Variants in POLR3E observed in about 807,000 individuals in gnomAD.
POLR3E encodes DNA-directed RNA polymerase III subunit RPC5.
In POLR3E, 41 loss-of-function variants were observed where a neutral mutation model predicts 96.6. The ratio of observed to expected loss-of-function variants is 0.42; its 90% CI spans 0.33 to 0.55. POLR3E has a LOEUF of 0.55. Ranked by LOEUF, POLR3E falls within the 20% of genes least tolerant of loss-of-function variation. POLR3E has a pLI of 0.06. For missense variants in POLR3E, 849 were observed against 952.1 expected (o/e 0.89, Z 1.43); for synonymous variants, 396 against 383.6 (o/e 1.03, Z -0.38).
rs986173446 is a variant in POLR3E at position 22,309,350 on chromosome 16, G to T, written c.282-78G>T. The stretch of plus-strand genomic sequence containing the variant: ...CTGTGGCACTTCAGAAAGTGTCTAG[G>T]GGGTGGGGTGCGCTGTGGCCACAGG... On this transcript the variant is annotated intron_variant, in intron 5 of 20. Coordinates refer to ENST00000299853, the MANE Select transcript of POLR3E (RefSeq NM_018119.4). 1.5e-5 allele frequency: 16 copies of T among 1,077,572 alleles called. 1 individual carries two copies. The Admixed American group carries it at 2.5e-4, about 17-fold the overall frequency. 66.8% of individuals were successfully genotyped at this position (1,077,572 alleles called of 1,614,324 possible). A position where few individuals can be genotyped will look rare whatever the true frequency, so the allele number is the denominator to read the frequency against.
intron 20 of POLR3E, among the ~76,000 whole-genome samples, chr16:22,333,022 T>C (rs1380834139): frequency 4.3e-5 from 6 of 138,750 alleles, no homozygotes; most frequent in Non-Finnish European, 7.6e-5. Context: ...TTGCCCAGGC[T>C]AGAGTGCAGT....
chr16:22,309,069 T>C (rs2048191500), intron 5 of POLR3E, 29 bp downstream of exon 5: 2 of 1,496,790 alleles, frequency 1.3e-6, no homozygotes, highest in Middle Eastern at 1.7e-4. Flanking sequence ...GCCTGTCCGG[T>C]TTCCCTGCGT....
At chr16:22,312,432 G>T (rs1042024714) in intron 6 of POLR3E, among the ~76,000 whole-genome samples, 2 of 152,066 alleles carry the variant, frequency 1.3e-5, no homozygotes, top group African/African-American at 4.8e-5. Context: ...AGGAGGCGGA[G>T]GTTGCAGTAA....
chr16:22,319,575 A>G (rs1046069075), intron 13 of POLR3E, among the ~76,000 whole-genome samples: 3 of 151,502 alleles, frequency 2.0e-5, no homozygotes, highest in Admixed American at 2.0e-4. Flanking sequence ...AATTTTTTGT[A>G]TTTTTAGTAG....
chr16:22,325,380 G>C, intron 17 of POLR3E, 114 bp downstream of exon 17: 1 of 863,950 alleles, frequency 1.2e-6, no homozygotes, highest in Non-Finnish European at 2.0e-6. Flanking sequence ...GGCTCTCACC[G>C]TTCACCCTTC....
chr16:22,316,868 C>T, intron 10 of POLR3E, 127 bp from the exon 11 acceptor site: 1 of 1,064,016 alleles, frequency 9.4e-7, no homozygotes, highest in Non-Finnish European at 1.5e-6. Context: ...TGCAGGGGCT[C>T]AGGGCTGCTG....
rs2047995746 is a variant in POLR3E, at chr16:22,300,297, A to C, written c.-38-2634A>C. 1.3e-5 allele frequency among the ~76,000 whole-genome samples: 2 copies of C among 152,316 alleles called. 1 individual carries two copies. Among genetic ancestry groups the C allele is most frequent in the South Asian group, 4.1e-4 (2 of 4,826 alleles). ...GTTATTTATATGAGATGGATTTCTT[A>C]CTGTGGTGGATCTTAGGCTGAAAAC... On this transcript the variant is annotated intron_variant, in intron 1 of 20. Transcript: ENST00000299853.
chr16:22,329,270 T>G (rs1027638301), intron 19 of POLR3E, among the ~76,000 whole-genome samples: 1 of 152,128 alleles, frequency 6.6e-6, no homozygotes, highest in African/African-American at 2.4e-5. Context: ...CCTTGTCAGA[T>G]GTCAGGTCCT....
At chr16:22,315,276 C>T (rs2048331083) in intron 9 of POLR3E, 68 bp downstream of exon 9, 10 of 1,473,510 alleles carry the variant, frequency 6.8e-6, no homozygotes, top group Middle Eastern at 1.7e-4. Context: ...GTGTGGCCTC[C>T]GTGTCTCACC....
In POLR3E at chr16:22,322,874, G is replaced by C. The variant is rs775578631; in HGVS notation, c.1011G>C (p.Ser337=). Residue 337 remains serine (S), a synonymous_variant, in exon 14 of 21, where the codon TCG becomes TCC. Transcript: ENST00000299853. The surrounding 1 kb of genome is among the most constrained non-coding windows in gnomAD (Gnocchi z 5.2). ...GTGACATCCTATACCCCAAGGACTC[G>C]TCCAGCCCTCACAGCGGCGTGCCTG... is the stretch of plus-strand genomic sequence containing the variant. ...VKSDILYPKD[S]SSPHSGVPAE... is the part of the protein sequence containing the mutation. The C allele has an allele frequency of 6.2e-7, 1 of 1,613,372 alleles. No homozygotes were observed. The highest frequency in any genetic ancestry group is 1.3e-5 in the African/African-American group (1 of 75,004).
chr16:22,305,247 G>A, intron 3 of POLR3E, 41 bp downstream of exon 3: 6 of 1,441,750 alleles, frequency 4.2e-6, no homozygotes, highest in Non-Finnish European at 5.9e-6. Context: ...AGAAGCAGGT[G>A]TGGGTGGGTG....
intron 19 of POLR3E, among the ~76,000 whole-genome samples, chr16:22,329,329 G>A (rs2048686631): frequency 6.6e-6 from 1 of 152,156 alleles, no homozygotes; most frequent in African/African-American, 2.4e-5. Flanking sequence ...GTCATACTGT[G>A]ATGGGGAGGG....
In POLR3E at chr16:22,322,829, C is replaced by T. The variant is rs1239749130; in HGVS notation, c.987-21C>T. The T allele has an allele frequency of 5.7e-6, 9 of 1,581,826 alleles. No homozygotes were observed. The highest frequency in any genetic ancestry group is 7.8e-6 in the Non-Finnish European group (9 of 1,151,848). On this transcript the variant is annotated intron_variant, in intron 13 of 20. Coordinates refer to ENST00000299853, the MANE Select transcript of POLR3E (RefSeq NM_018119.4). This position sits in a 1 kb window ranked among gnomAD's most constrained non-coding sequence, Gnocchi z 5.2. Reference sequence around the variant, plus strand: ...GGGCTCAGGGCAGGGACTGACCTGCCATCCTCACCTGCATTGGCAGTGACA... The same window carrying T: ...GGGCTCAGGGCAGGGACTGACCTGCTATCCTCACCTGCATTGGCAGTGACA...
chr16:22,303,158 A>C (rs1158975662), intron 2 of POLR3E, among the ~76,000 whole-genome samples, 154 bp downstream of exon 2: 1 of 150,838 alleles, frequency 6.6e-6, no homozygotes, highest in African/African-American at 2.4e-5. Context: ...TGTCCCCCAG[A>C]CCCCTGCGTG....
At chr16:22,311,160 GT>G (rs2048237086) in intron 6 of POLR3E, among the ~76,000 whole-genome samples, 1 of 150,966 alleles carries the variant, frequency 6.6e-6, no homozygotes, top group Non-Finnish European at 1.5e-5. Flanking sequence ...TAGAGACAGG[GT>G]TTTTGCCATG....
chr16:22,330,547 G>A (rs1316043600), intron 19 of POLR3E, among the ~76,000 whole-genome samples: 1 of 152,116 alleles, frequency 6.6e-6, no homozygotes, highest in Admixed American at 6.5e-5. Flanking sequence ...CATGTGTACC[G>A]AGGGTGATAC....
At chr16:22,319,252 C>T (rs972281106) in intron 13 of POLR3E, among the ~76,000 whole-genome samples, 2 of 151,814 alleles carry the variant, frequency 1.3e-5, no homozygotes, top group Admixed American at 6.6e-5. Flanking sequence ...GGATTATAGG[C>T]GTGAGCCACC....
At chr16:22,320,637 G>A (rs1003679829) in intron 13 of POLR3E, among the ~76,000 whole-genome samples, 7 of 152,132 alleles carry the variant, frequency 4.6e-5, no homozygotes, top group African/African-American at 1.4e-4. Flanking sequence ...TTCTTTACTC[G>A]CATGTTTATA....
chr16:22,308,326 AG>A (rs760724829), intron 4 of POLR3E, 101 bp downstream of exon 4: 3 of 907,758 alleles, frequency 3.3e-6, no homozygotes, highest in Non-Finnish European at 5.5e-6. Flanking sequence ...TTGGAGAAGT[AG>A]GAGAACCAGC....
Sources: gnomAD v4.1 joint callset for allele counts (sites outside exome capture counted in the v4.1 genomes callset) on GRCh38, gnomAD v4.1.1 for gene constraint, Gnocchi (gnomAD v3.1) non-coding constraint, MANE v1.5 for transcripts, NCBI Gene and HGNC (gene_info 2026-07-23, HGNC 2026-07-21) for gene names.